Variants in CCT2 observed in about 807,000 individuals in gnomAD.
CCT2 encodes T-complex protein 1 subunit beta.
A neutral mutation model predicts 61.8 loss-of-function variants in CCT2; 18 were observed. The observed-to-expected ratio is 0.29, with a 90% CI of 0.20 to 0.43. The LOEUF (loss-of-function observed/expected upper bound fraction) is 0.43. CCT2 is among the 20% of genes least tolerant of loss of function. The probability of loss-of-function intolerance (pLI) is 1.00; values close to 1 mark genes in which losing one functional copy is unlikely to be tolerated. For synonymous variants in CCT2, 248 were observed against 215.9 expected (o/e 1.15, Z -1.30); for missense variants, 556 against 656.9 (o/e 0.85, Z 1.68).
intron 6 of CCT2, chr12:69,589,275 C>T: frequency 3.9e-6 from 2 of 514,712 alleles, no homozygotes; most frequent in East Asian, 6.3e-5. Context: ...GTGTGGCCCC[C>T]ACCCCTCTTT....
chr12:69,595,988 CT>C (rs1490286292), intron 10 of CCT2, among the ~76,000 whole-genome samples: 1 of 152,180 alleles, frequency 6.6e-6, no homozygotes, highest in Non-Finnish European at 1.5e-5. Flanking sequence ...AGAAAGATTG[CT>C]TGTGCCCAGG....
Position 69,586,443 on chromosome 12 carries a change from G to A in CCT2, c.78+99G>A, listed in dbSNP as rs1250103542. Reference sequence around the variant, plus strand: ...AGTACTTTGGGAGGCCGAGGTAGGCGGATGAACTGAGGTCAGGAGTTCGAG... The same window carrying A: ...AGTACTTTGGGAGGCCGAGGTAGGCAGATGAACTGAGGTCAGGAGTTCGAG... On this transcript the variant is annotated intron_variant, in intron 2 of 15. Coordinates refer to ENST00000299300, the MANE Select transcript of CCT2 (RefSeq NM_006431.3). 34 of 847,646 alleles carry A rather than the reference G, an allele frequency of 4.0e-5. No homozygotes were observed. The South Asian group carries it at 4.6e-4, about 12-fold the overall frequency. The allele number at this position is 847,646 out of a possible 1,614,324, so 52.5% of individuals were successfully genotyped here. A position where few individuals can be genotyped will look rare whatever the true frequency, so the allele number is the denominator to read the frequency against.
intron 1 of CCT2, 197 bp downstream of exon 1, chr12:69,585,721 A>G: frequency 2.7e-6 from 4 of 1,465,228 alleles, no homozygotes; most frequent in South Asian, 1.4e-5. Flanking sequence ...GGAGGGGTGG[A>G]CCGCAAAGCC....
rs751599729 is a variant in CCT2, at chr12:69,589,621, A to G, written c.583A>G (p.Asn195Asp). 1 of 1,614,080 alleles carries G rather than the reference A, an allele frequency of 6.2e-7. No homozygotes were observed. Among genetic ancestry groups the G allele is most frequent in the Non-Finnish European group, 8.5e-7 (1 of 1,180,002 alleles). The change falls in exon 7 of 16, where the codon AAC becomes GAC. Residue 195 changes from asparagine to aspartate, a missense_variant. Around this residue, in one of 3 missense-constraint regions of CCT2, gnomAD observed 308 missense variants for 350.6 expected, o/e 0.88. Transcript: ENST00000299300. ...AGTTCTCAGACTGAAAGGCTCTGGC[A>G]ACCTGGAGGCAATTCATATTATCAA... ...EAVLRLKGSG[N>D]LEAIHIIKKL...
Position 69,587,885 on chromosome 12 carries a change from A to G in CCT2, c.257-45A>G, listed in dbSNP as rs769889005. ...AGTGAATATTTTTGGAGAATTTAGT[A>G]AGCAAAGAAGCAATTTTGAGTTAAT... is the stretch of plus-strand genomic sequence containing the variant. On this transcript the variant is annotated intron_variant, in intron 4 of 15. Transcript: ENST00000299300. The G allele has an allele frequency of 2.4e-5, 34 of 1,416,414 alleles. No homozygotes were observed. The South Asian group carries it at 3.8e-4, about 16-fold the overall frequency. The allele number at this position is 1,416,414 out of a possible 1,614,324, so 87.7% of individuals were successfully genotyped here.
intron 8 of CCT2, 111 bp from the exon 9 acceptor site, chr12:69,592,865 T>C (rs934214424): frequency 1.1e-6 from 1 of 921,222 alleles, no homozygotes; most frequent in Admixed American, 2.7e-5. Context: ...CGGGTGGAGG[T>C]TGCAGTGAGC....
chr12:69,600,419 C>T (rs981382492), intron 15 of CCT2, among the ~76,000 whole-genome samples: 2 of 152,182 alleles, frequency 1.3e-5, no homozygotes, highest in Admixed American at 6.5e-5. Context: ...GTTGAAATAA[C>T]GCTTAAAAAA....
chr12:69,592,015 G>A, intron 7 of CCT2, 44 bp from the exon 8 acceptor site: 1 of 1,075,674 alleles, frequency 9.3e-7, no homozygotes, highest in Non-Finnish European at 1.4e-6. Context: ...TACTAAGGCT[G>A]CTTTGAAGTA....
Position 69,598,077 on chromosome 12 carries a change from T to C in CCT2, c.1335+6T>C, listed in dbSNP as rs761543762. ...ATGCTAAAGCACTGAGAATGGTAAG[T>C]TAATCAAAATGAGAGATCCGAACTT... is the stretch of plus-strand genomic sequence containing the variant. On this transcript the variant is annotated splice_donor_region_variant and intron_variant, in intron 13 of 15. Coordinates refer to ENST00000299300, the MANE Select transcript of CCT2 (RefSeq NM_006431.3). 12 of 1,589,590 alleles carry C rather than the reference T, an allele frequency of 7.5e-6. No homozygotes were observed. Among genetic ancestry groups the C allele is most frequent in the Non-Finnish European group, 1.0e-5 (12 of 1,158,976 alleles).
intron 1 of CCT2, 179 bp from the exon 2 acceptor site, chr12:69,586,091 C>A: frequency 8.1e-7 from 1 of 1,235,916 alleles, no homozygotes; most frequent in Non-Finnish European, 1.1e-6. Context: ...CGCTCTCCTA[C>A]AAGTCCCTCT....
At position 69,585,502 on chromosome 12, in the gene CCT2, G is replaced by A; in HGVS notation, c.-20G>A. 1.9e-6 allele frequency: 3 copies of A among 1,565,388 alleles called. No individual in the cohort carries two copies. The highest frequency in any genetic ancestry group is 1.2e-5 in the South Asian group (1 of 85,102). On this transcript the variant is annotated 5_prime_UTR_variant, in exon 1 of 16. The change creates a new upstream start codon in the 5' untranslated region. Transcript: ENST00000299300. Reference sequence around the variant, plus strand: ...ACGAGCTGTGAGGGGATTCACTTGTGTGCGGAACTCCTCGGAACCATGGTG... The same window carrying A: ...ACGAGCTGTGAGGGGATTCACTTGTATGCGGAACTCCTCGGAACCATGGTG...
At chr12:69,586,599 C>T (rs534350910) in intron 2 of CCT2, among the ~76,000 whole-genome samples, 154 bp from the exon 3 acceptor site, 14 of 151,474 alleles carry the variant, frequency 9.2e-5, no homozygotes, top group Non-Finnish European at 1.9e-4. Context: ...ACCCAGGAGG[C>T]GGAGGTTGCA....
In CCT2 at chr12:69,589,778, C is replaced by CA. The variant is rs1327591240; in HGVS notation, c.649+94dup. The CA allele has an allele frequency of 2.9e-6, 3 of 1,025,436 alleles. No homozygotes were observed. The African/African-American group carries it at 4.8e-5, about 16-fold the overall frequency. 63.5% of individuals were successfully genotyped at this position (1,025,436 alleles called of 1,614,324 possible). ...CTGTTTTGAGACCAGTGACCCTTTA[C>CA]AAAGCCAGTGAACTTGAATTTAAGG... On this transcript the variant is annotated intron_variant, in intron 7 of 15. Transcript: ENST00000299300.
Position 69,598,435 on chromosome 12 carries a change from G to C in CCT2, c.1435+14G>C, listed in dbSNP as rs761308483. On this transcript the variant is annotated intron_variant, in intron 14 of 15. Coordinates refer to ENST00000299300, the MANE Select transcript of CCT2 (RefSeq NM_006431.3). ...CTGCTGGATTGGGTAAGCAATCAAG[G>C]GGAACTTTGTGGCCGTTGTTAAAAG... 3.6e-5 allele frequency: 55 copies of C among 1,515,672 alleles called. No homozygotes were observed. In the East Asian group the frequency reaches 1.3e-3, roughly 35 times the overall value. 93.9% of individuals were successfully genotyped at this position (1,515,672 alleles called of 1,614,324 possible). A position where few individuals can be genotyped will look rare whatever the true frequency, so the allele number is the denominator to read the frequency against.
Position 69,586,752 on chromosome 12 carries a change from G to A in CCT2, c.79-1G>A. On this transcript the variant is annotated splice_acceptor_variant, in intron 2 of 15. Transcript: ENST00000299300. LOFTEE classifies it high-confidence loss of function. ...GATAATCTCCTTGGTTTTTACTCCA[G>A]ACTTCTTTTATTGGTGCCATCGCCA... 1 of 1,594,900 alleles carries A rather than the reference G, an allele frequency of 6.3e-7. No homozygotes were observed. Among genetic ancestry groups the A allele is most frequent in the African/African-American group, 1.4e-5 (1 of 73,750 alleles).
chr12:69,587,092 T>C (rs941114126), intron 3 of CCT2: 2 of 357,990 alleles, frequency 5.6e-6, no homozygotes, highest in Non-Finnish European at 9.9e-6. Flanking sequence ...TTTATACTCA[T>C]GTAACATACT....
chr12:69,592,907 A>G (rs1273431156), intron 8 of CCT2, 69 bp from the exon 9 acceptor site: 47 of 1,496,550 alleles, frequency 3.1e-5, no homozygotes, highest in Non-Finnish European at 4.2e-5. Context: ...CAGCCTGGGC[A>G]ACAGAGCGAG....
chr12:69,592,641 T>C (rs1029018140), intron 8 of CCT2: 2 of 217,342 alleles, frequency 9.2e-6, no homozygotes, highest in Non-Finnish European at 9.1e-6. Context: ...AAAAGAGTAA[T>C]GAGGCCTGGC....
At chr12:69,593,769 A>C (rs1057073733) in intron 10 of CCT2, among the ~76,000 whole-genome samples, 156 bp downstream of exon 10, 1 of 152,234 alleles carries the variant, frequency 6.6e-6, no homozygotes, top group African/African-American at 2.4e-5. Context: ...ACATAGATAC[A>C]TTACATTTAC....
Sources: gnomAD v4.1 joint callset for allele counts (sites outside exome capture counted in the v4.1 genomes callset) on GRCh38, gnomAD v4.1.1 for gene constraint, gnomAD v4.1.1 regional missense constraint, MANE v1.5 for transcripts, NCBI Gene and HGNC (gene_info 2026-07-23, HGNC 2026-07-21) for gene names.